TEX2: variants seen among roughly 807,000 people sequenced by gnomAD.
The protein encoded by TEX2 is testis expressed 2.
A neutral mutation model predicts 106.9 loss-of-function variants in TEX2; 53 were observed. That is an observed-to-expected ratio of 0.50 (90% CI 0.40 to 0.62). TEX2 has a LOEUF of 0.62. Among genes scored for constraint, TEX2 ranks in the 20% least tolerant of loss-of-function variants. The probability of loss-of-function intolerance (pLI) is 0.00; values close to 1 mark genes in which losing one functional copy is unlikely to be tolerated. For synonymous variants in TEX2, 523 were observed against 534.8 expected, an observed-to-expected ratio of 0.98 and a Z score of 0.30; for missense variants, 1,207 against 1,379.0, an observed-to-expected ratio of 0.88 and a Z score of 1.98.
rs1366289658 is a variant in TEX2, at chr17:64,195,245, G to A, written c.1645-150C>T. ...CACCAATGACTACAGGTTGCAAAGA[G>A]AAGTGCTTAGCTGGGAGGATAACTG... On this transcript the variant is annotated intron_variant, in intron 2 of 11. Transcript: ENST00000584379. The surrounding 1 kb of genome is among the most constrained non-coding windows in gnomAD (Gnocchi z 4.1). 2 of 732,040 alleles carry A rather than the reference G, an allele frequency of 2.7e-6. No individual in the cohort carries two copies. The highest frequency in any genetic ancestry group is 4.6e-6 in the Non-Finnish European group (2 of 438,982). 45.3% of individuals were successfully genotyped at this position (732,040 alleles called of 1,614,324 possible). A position where few individuals can be genotyped will look rare whatever the true frequency, so the allele number is the denominator to read the frequency against.
intron 1 of TEX2, among the ~76,000 whole-genome samples, chr17:64,253,113 T>C (rs1406479414): frequency 1.3e-5 from 2 of 152,062 alleles, no homozygotes; most frequent in Admixed American, 6.6e-5. Flanking sequence ...TTCAGAGAGT[T>C]TGAGCAAGGA....
Position 64,250,994 on chromosome 17 carries a change from C to T in TEX2, c.-26+12174G>A, listed in dbSNP as rs141552700. Among the ~76,000 whole-genome samples the T allele has an allele frequency of 6.2e-3, 949 of 152,244 alleles. 9 individuals are homozygous for T. Among genetic ancestry groups the T allele is most frequent in the African/African-American group, 0.022 (910 of 41,542 alleles). ...GTGTGAGCCACCAGGCCCAGATTTC[C>T]CCTTTCCATCATAAAAGGAAATGCT... is the stretch of plus-strand genomic sequence containing the variant. On this transcript the variant is annotated intron_variant, in intron 1 of 11. Coordinates refer to ENST00000584379, the MANE Select transcript of TEX2 (RefSeq NM_001288732.2).
chr17:64,216,430 CTCTGCTGT>C (rs782208373), intron 1 of TEX2, among the ~76,000 whole-genome samples: 86 of 152,162 alleles, frequency 5.7e-4, no homozygotes, highest in Non-Finnish European at 9.8e-4. Context: ...ATATGTAAGG[CTCTGCTGT>C]TCTGAGGCTG....
At chr17:64,212,522 C>T (rs1567944374) in intron 2 of TEX2, 52 bp downstream of exon 2, 11 of 1,465,804 alleles carry the variant, frequency 7.5e-6, no homozygotes, top group African/African-American at 1.4e-5. Flanking sequence ...ATCTAAAATA[C>T]GGCTGTATGT....
intron 6 of TEX2, among the ~76,000 whole-genome samples, chr17:64,175,753 TG>T (rs1441425187): frequency 6.6e-6 from 1 of 152,176 alleles, no homozygotes; most frequent in African/African-American, 2.4e-5. Context: ...AAGTCAGCTT[TG>T]GAATGCATGT....
chr17:64,262,064 ACTC>A (rs2034296857), intron 1 of TEX2, among the ~76,000 whole-genome samples: 2 of 151,934 alleles, frequency 1.3e-5, no homozygotes, highest in South Asian at 4.1e-4. Context: ...TCCTGAAATG[ACTC>A]CTCTGAATCC....
chr17:64,166,241 G>A (rs1265124615), intron 7 of TEX2, among the ~76,000 whole-genome samples: 1 of 152,222 alleles, frequency 6.6e-6, no homozygotes, highest in African/African-American at 2.4e-5. Flanking sequence ...CACGTGCTCC[G>A]AGTGCTTTAC....
chr17:64,234,491 C>A (rs1555634914), intron 1 of TEX2, among the ~76,000 whole-genome samples: 1 of 152,180 alleles, frequency 6.6e-6, no homozygotes, highest in African/African-American at 2.4e-5. Flanking sequence ...CATCCATGTG[C>A]AATTAGGAGC....
At chr17:64,173,716 C>T (rs2031508249) in intron 6 of TEX2, among the ~76,000 whole-genome samples, 1 of 152,206 alleles carries the variant, frequency 6.6e-6, no homozygotes, top group Non-Finnish European at 1.5e-5. Context: ...AAGAATGTAA[C>T]CAAAGTCTTG....
At chr17:64,258,432 A>C (rs2034225362) in intron 1 of TEX2, among the ~76,000 whole-genome samples, 1 of 151,776 alleles carries the variant, frequency 6.6e-6, no homozygotes, top group Admixed American at 6.6e-5. Flanking sequence ...AAAGTTATTT[A>C]ACCTTTCTGA....
rs1555632078 is a variant in TEX2, at chr17:64,213,544, G to T, written c.674C>A (p.Thr225Asn). The T allele has an allele frequency of 6.2e-7, 1 of 1,614,132 alleles. No individual in the cohort carries two copies. Among genetic ancestry groups the T allele is most frequent in the South Asian group, 1.1e-5 (1 of 91,086 alleles). ...KTLVKSLSTD[T>N]SRQESDTVSY... ...CACTGTATCCGACTCCTGCCGGGAA[G>T]TGTCCGTGGACAGAGACTTGACTAA... Residue 225 changes from threonine (T) to asparagine (N), a missense_variant, in exon 2 of 12, where the codon ACT becomes AAT. Thr to Asn is a moderately conservative substitution (Grantham distance 65). This residue lies in a region of TEX2 where 1,067 missense variants were observed against 1,193.6 expected (regional missense o/e 0.89). Coordinates refer to ENST00000584379, the MANE Select transcript of TEX2 (RefSeq NM_001288732.2). The surrounding 1 kb of genome is among the most constrained non-coding windows in gnomAD (Gnocchi z 4.4).
At chr17:64,188,487 A>G in intron 4 of TEX2, 72 bp from the exon 5 acceptor site, 1 of 1,598,670 alleles carries the variant, frequency 6.3e-7, no homozygotes, top group Non-Finnish European at 8.5e-7. Context: ...CTCCCTGAGA[A>G]AAGCAGCTAC....
At chr17:64,251,754 G>A (rs2034096963) in intron 1 of TEX2, among the ~76,000 whole-genome samples, 1 of 152,044 alleles carries the variant, frequency 6.6e-6, no homozygotes, top group Admixed American at 6.6e-5. Flanking sequence ...TTTCCAACAG[G>A]GAATCCAGCA....
intron 4 of TEX2, among the ~76,000 whole-genome samples, chr17:64,191,870 G>T (rs1020385917): frequency 1.6e-4 from 23 of 141,974 alleles, no homozygotes; most frequent in African/African-American, 6.1e-4. Flanking sequence ...AAGGTAAAAA[G>T]AATACAATTA....
intron 1 of TEX2, among the ~76,000 whole-genome samples, chr17:64,249,226 C>T (rs1469187633): frequency 6.6e-6 from 1 of 152,030 alleles, no homozygotes; most frequent in Non-Finnish European, 1.5e-5. Flanking sequence ...TTTTCCTTAG[C>T]TTGAATAAAG....
chr17:64,247,508 G>T (rs1555636421), intron 1 of TEX2, among the ~76,000 whole-genome samples: 1 of 151,010 alleles, frequency 6.6e-6, no homozygotes, highest in Admixed American at 6.6e-5. Context: ...GATTTGAGGG[G>T]AGTGGGGCTA....
At chr17:64,196,459 G>C (rs2032469861) in intron 2 of TEX2, among the ~76,000 whole-genome samples, 1 of 151,564 alleles carries the variant, frequency 6.6e-6, no homozygotes, top group Non-Finnish European at 1.5e-5. Flanking sequence ...TACCTCAGTA[G>C]ATGTTTTGGC....
chr17:64,184,980 G>T (rs535649933), intron 5 of TEX2, among the ~76,000 whole-genome samples: 1 of 152,240 alleles, frequency 6.6e-6, no homozygotes, highest in South Asian at 2.1e-4. Flanking sequence ...TGTTTAAAAA[G>T]CCTACTTTGT....
At chr17:64,226,368 T>C (rs2033505391) in intron 1 of TEX2, among the ~76,000 whole-genome samples, 2 of 152,212 alleles carry the variant, frequency 1.3e-5, no homozygotes, top group African/African-American at 4.8e-5. Flanking sequence ...AGAGGTTCCA[T>C]GTACTTTTCA....
Sources: gnomAD v4.1 joint callset for allele counts (sites outside exome capture counted in the v4.1 genomes callset) on GRCh38, gnomAD v4.1.1 for gene constraint, gnomAD v4.1.1 regional missense constraint, Gnocchi (gnomAD v3.1) non-coding constraint, MANE v1.5 for transcripts, NCBI Gene and HGNC (gene_info 2026-07-23, HGNC 2026-07-21) for gene names.